The following EIF4A1 variants were observed in gnomAD, a reference collection of about 807,000 sequenced individuals.
The protein encoded by EIF4A1 is eukaryotic translation initiation factor 4A1, also known as eukaryotic initiation factor 4A-I.
A neutral mutation model predicts 53.5 loss-of-function variants in EIF4A1; 11 were observed. That is an observed-to-expected ratio of 0.21 (90% CI 0.13 to 0.34). EIF4A1 has a LOEUF of 0.34. Ranked by LOEUF, EIF4A1 falls within the 10% of genes least tolerant of loss-of-function variation. EIF4A1 has a pLI of 1.00. For synonymous variants in EIF4A1, 237 were observed against 186.7 expected (o/e 1.27, Z -2.20); for missense variants, 213 against 530.8 (o/e 0.40, Z 5.88).
At chr17:7,573,837 G>C (rs377567601) in intron 1 of EIF4A1, 3 of 164,230 alleles carry the variant, frequency 1.8e-5, no homozygotes, top group African/African-American at 4.8e-5. Context: ...GGGATGACGT[G>C]GGGGGAAGGG....
chr17:7,574,485 AGACTACAGCTCAGCTCCACCTTTTCCAT>A, intron 2 of EIF4A1, 33 bp from the exon 3 acceptor site: 1 of 1,606,978 alleles, frequency 6.2e-7, no homozygotes, highest in Non-Finnish European at 8.5e-7. Context: ...GTTTGCTCGG[AGACTACAGCTCAGCTCCACCTTTTCCAT>A]GACTCAAGCT....
At chr17:7,576,823 A>G in intron 5 of EIF4A1, 131 bp downstream of exon 5, 1 of 1,494,942 alleles carries the variant, frequency 6.7e-7, no homozygotes, top group Non-Finnish European at 9.2e-7. Context: ...TCTGTGATGG[A>G]GCCCATGCGT....
At chr17:7,573,942 G>T (rs2071363841) in intron 1 of EIF4A1, 5 of 360,982 alleles carry the variant, frequency 1.4e-5, no homozygotes, top group African/African-American at 2.1e-5. Context: ...TTAAGCGGCT[G>T]GGTCGGGCCC....
At chr17:7,574,166 GCAT>G in intron 1 of EIF4A1, 91 bp from the exon 2 acceptor site, 2 of 1,432,522 alleles carry the variant, frequency 1.4e-6, no homozygotes, top group Non-Finnish European at 2.0e-6. Context: ...CAGATTGATG[GCAT>G]CATGCAGGCC....
rs1289063357 is a variant in EIF4A1 at position 7,574,599 on chromosome 17, C to T, written c.126C>T (p.Ser42=). The part of the protein sequence containing the change: ...DSFDDMNLSE[S]LLRGIYAYGF... ...TTGATGACATGAACCTCTCGGAGTC[C>T]CTTCTCCGTGGCATCTACGCGTATG... The change falls in exon 3 of 11, where the codon TCC becomes TCT. Residue 42 remains serine (S), a synonymous_variant. Coordinates refer to ENST00000293831, the MANE Select transcript of EIF4A1 (RefSeq NM_001416.4). The T allele has an allele frequency of 8.7e-6, 14 of 1,612,046 alleles. No individual in the cohort carries two copies. The highest frequency in any genetic ancestry group is 1.7e-5 in the Admixed American group (1 of 59,986).
intron 1 of EIF4A1, 120 bp downstream of exon 1, chr17:7,572,984 G>A: frequency 1.9e-6 from 3 of 1,583,188 alleles, no homozygotes; most frequent in Non-Finnish European, 1.7e-6. Flanking sequence ...CGGGTGGGGG[G>A]AGGGTCCGAC....
At chr17:7,574,473 C>T (rs2071373093) in intron 2 of EIF4A1, 73 bp from the exon 3 acceptor site, 1 of 1,604,266 alleles carries the variant, frequency 6.2e-7, no homozygotes, top group African/African-American at 1.3e-5. Flanking sequence ...GCACCAGATT[C>T]TGTTTGCTCG....
rs777918986 is a variant in EIF4A1 at position 7,576,726 on chromosome 17, C to T, written c.514+34C>T. On this transcript the variant is annotated intron_variant, in intron 5 of 10. Transcript: ENST00000293831. Reference sequence around the variant, plus strand: ...TTCGGTTCTCCAATCCCCTGGGTCACTTTGCTCTTGTGCACGCTTTCCAGT... The same window carrying T: ...TTCGGTTCTCCAATCCCCTGGGTCATTTTGCTCTTGTGCACGCTTTCCAGT... 26 of 1,578,168 alleles carry T rather than the reference C, an allele frequency of 1.6e-5. No individual in the cohort carries two copies. The Middle Eastern group carries it at 8.5e-4, about 51-fold the overall frequency.
At position 7,577,536 on chromosome 17, in the gene EIF4A1, G is replaced by C. The variant is rs754269073; in HGVS notation, c.769-33G>C. 3.9e-5 allele frequency: 63 copies of C among 1,612,764 alleles called. No homozygotes were observed. Among genetic ancestry groups the C allele is most frequent in the Non-Finnish European group, 5.3e-5 (62 of 1,179,160 alleles). On this transcript the variant is annotated intron_variant, in intron 7 of 10. Transcript: ENST00000293831. The surrounding 1 kb of genome is among the most constrained non-coding windows in gnomAD (Gnocchi z 4.7). ...GCCTGGTAGTGAGTTGTTGGGTATA[G>C]CCCCTGACTGATTTTTGTCCCCCAA...
intron 3 of EIF4A1, 134 bp downstream of exon 3, chr17:7,574,812 C>T: frequency 2.8e-6 from 4 of 1,440,654 alleles, no homozygotes; most frequent in African/African-American, 1.4e-5. Flanking sequence ...GGCTTTTGAT[C>T]CGTGCCCATG....
At position 7,577,053 on chromosome 17, in the gene EIF4A1, T is replaced by C. The variant is rs770016770; in HGVS notation, c.515-3T>C. 2 of 1,614,056 alleles carry C rather than the reference T, an allele frequency of 1.2e-6. No homozygotes were observed. Among genetic ancestry groups the C allele is most frequent in the Non-Finnish European group, 1.7e-6 (2 of 1,179,982 alleles). On this transcript the variant is annotated splice_region_variant and splice_polypyrimidine_tract_variant and intron_variant, in intron 5 of 10. Coordinates refer to ENST00000293831, the MANE Select transcript of EIF4A1 (RefSeq NM_001416.4). The surrounding 1 kb of genome is among the most constrained non-coding windows in gnomAD (Gnocchi z 4.7). ...ATATATTGGCTTTTTTTTTCTTCTC[T>C]AGCCCCCAAATACATCAAGATGTTT...
Position 7,577,165 on chromosome 17 carries a change from G to GGT in EIF4A1, c.624+2_624+3dup, listed in dbSNP as rs1180941495. The stretch of plus-strand genomic sequence containing the variant: ...TCCAAAAGCTCAACAGCAACACCCA[G>GGT]GTGAGGGCAGTCTTGCTTGAATAGC... On this transcript the variant is annotated frameshift_variant and splice_region_variant. Transcript: ENST00000293831. LOFTEE classifies it high-confidence loss of function. The surrounding 1 kb of genome is among the most constrained non-coding windows in gnomAD (Gnocchi z 4.7). 2 of 1,597,536 alleles carry GGT rather than the reference G, an allele frequency of 1.3e-6. No individual in the cohort carries two copies. The highest frequency in any genetic ancestry group is 1.7e-4 in the Middle Eastern group (1 of 5,966).
rs2071429310 is a variant in EIF4A1, at chr17:7,578,237, A to G, written c.1069A>G (p.Ile357Val). 6.2e-7 allele frequency: 1 copy of G among 1,614,142 alleles called. No individual in the cohort carries two copies. The highest frequency in any genetic ancestry group is 8.5e-7 in the Non-Finnish European group (1 of 1,180,026). The change falls in exon 10 of 11, where the codon ATC (isoleucine) becomes GTC (valine). Residue 357 changes from isoleucine to valine, a missense_variant. By Grantham distance (29) the Ile-to-Val change is conservative. Around this residue, in one of 4 missense-constraint regions of EIF4A1, gnomAD observed 13 missense variants for 103.3 expected, o/e 0.13. Transcript: ENST00000293831. ...YDLPTNRENYIHRIGRGGRFG... is the reference protein window; with the variant it reads ...YDLPTNRENYVHRIGRGGRFG... ...CCTTCCCACCAACAGGGAAAACTAT[A>G]TCCACAGGTAAGCGTAGATCTGGAA...
chr17:7,576,972 T>C, intron 5 of EIF4A1, 84 bp from the exon 6 acceptor site: 1 of 1,531,130 alleles, frequency 6.5e-7, no homozygotes, highest in Non-Finnish European at 9.0e-7. Context: ...GGCTCCTCTC[T>C]GTTTTTTATC....
rs552560703 is a variant in EIF4A1 at position 7,576,748 on chromosome 17, C to T, written c.514+56C>T. ...TCACTTTGCTCTTGTGCACGCTTTC[C>T]AGTCTTTCAGCGTAAGCCAGAGTCA... On this transcript the variant is annotated intron_variant, in intron 5 of 10. Transcript: ENST00000293831. 12 of 1,565,042 alleles carry T rather than the reference C, an allele frequency of 7.7e-6. No individual in the cohort carries two copies. The South Asian group carries it at 1.4e-4, about 19-fold the overall frequency.
chr17:7,573,231 T>C (rs114255812), intron 1 of EIF4A1: 54,197 of 397,966 alleles, frequency 0.14, 3,985 homozygotes, highest in South Asian at 0.17. Flanking sequence ...TCCGGTTGCC[T>C]CCCTGTGCCG....
Position 7,576,682 on chromosome 17 carries a change from G to C in EIF4A1, c.504G>C (p.Arg168=), listed in dbSNP as rs61730297. The C allele has an allele frequency of 1.2e-3, 1,917 of 1,605,818 alleles. 21 individuals are homozygous for C. The African/African-American group carries it at 0.02, about 17-fold the overall frequency. ...GCCGTGTGTTTGATATGCTTAACCGGAGATACCTGTGTGAGTAATTCGGTT... is the reference window on the plus strand; with the variant it reads ...GCCGTGTGTTTGATATGCTTAACCGCAGATACCTGTGTGAGTAATTCGGTT... ...TPGRVFDMLN[R]RYLSPKYIKM... Residue 168 remains arginine (R), a synonymous_variant, in exon 5 of 11, where the codon CGG becomes CGC. Transcript: ENST00000293831.
chr17:7,576,297 C>T, intron 4 of EIF4A1: 1 of 430,440 alleles, frequency 2.3e-6, no homozygotes, highest in Non-Finnish European at 4.1e-6. Context: ...CATTGTGAAT[C>T]ACTGTACACT....
At chr17:7,576,851 C>A in intron 5 of EIF4A1, 159 bp downstream of exon 5, 1 of 1,427,360 alleles carries the variant, frequency 7.0e-7, no homozygotes, top group Non-Finnish European at 9.8e-7. Context: ...GAGCCTCTGG[C>A]TTCCCTGCCA....
Sources: allele counts gnomAD v4.1 joint callset, GRCh38; gene constraint gnomAD v4.1.1; regional missense constraint gnomAD v4.1.1; non-coding constraint Gnocchi (gnomAD v3.1); transcripts MANE v1.5; gene names NCBI Gene and HGNC (gene_info 2026-07-23, HGNC 2026-07-21).